ABHD2: variants seen among roughly 807,000 people sequenced by gnomAD.
The protein encoded by ABHD2 is monoacylglycerol lipase ABHD2.
ABHD2 carries 20 observed loss-of-function variants against 48.1 expected under a neutral mutation model. The ratio of observed to expected loss-of-function variants is 0.42; its 90% CI spans 0.29 to 0.60. The LOEUF (loss-of-function observed/expected upper bound fraction) is 0.60, where lower values mean the gene tolerates loss of function less well. Ranked by LOEUF, ABHD2 falls within the 20% of genes least tolerant of loss-of-function variation. The probability of loss-of-function intolerance (pLI) is 0.24; values close to 1 mark genes in which losing one functional copy is unlikely to be tolerated. For missense variants in ABHD2, 405 were observed against 550.9 expected, an observed-to-expected ratio of 0.74 and a Z score of 2.65; for synonymous variants, 209 against 214.2, an observed-to-expected ratio of 0.98 and a Z score of 0.21.
chr15:89,182,300 C>G lies in ABHD2; in HGVS notation c.723-3124C>G, dbSNP rs1308142371. 6.6e-6 allele frequency among the ~76,000 whole-genome samples: 1 copy of G among 152,190 alleles called. No individual in the cohort carries two copies. Among genetic ancestry groups the G allele is most frequent in the African/African-American group, 2.4e-5 (1 of 41,444 alleles). ...AACCTACCCTCCTTCCAGCAAGATT[C>G]ACTCTGAATTTTGCAAAGCCATTCC... On this transcript the variant is annotated intron_variant, in intron 6 of 10. Transcript: ENST00000352732. The surrounding 1 kb of genome is among the most constrained non-coding windows in gnomAD (Gnocchi z 4.8).
intron 5 of ABHD2, among the ~76,000 whole-genome samples, chr15:89,159,432 T>A (rs2050728555): frequency 6.6e-6 from 1 of 152,100 alleles, no homozygotes; most frequent in African/African-American, 2.4e-5. Context: ...GCGGGCCTGG[T>A]GAATGTGCTG....
intron 3 of ABHD2, among the ~76,000 whole-genome samples, chr15:89,149,063 C>T (rs1419104314): frequency 6.6e-6 from 1 of 151,986 alleles, no homozygotes; most frequent in Non-Finnish European, 1.5e-5. Flanking sequence ...TTTTGTAAAC[C>T]CTGGTGTTGT....
the ABHD2 span, among the ~76,000 whole-genome samples, chr15:89,060,350 T>TA: frequency 6.6e-6 from 1 of 151,598 alleles, no homozygotes; most frequent in Non-Finnish European, 1.5e-5. Flanking sequence ...CTCGGCCTCC[T>TA]AAAGTGCTGG....
rs746952878 is a variant in ABHD2 at position 89,100,359 on chromosome 15, C to G, written c.-107+11796C>G. ...GGAGTGCAATAGTGCGATCATAGCTCACTGTAGCCTCAATCTTCTGTGCTC... is the reference window on the plus strand; with the variant it reads ...GGAGTGCAATAGTGCGATCATAGCTGACTGTAGCCTCAATCTTCTGTGCTC... On this transcript the variant is annotated intron_variant, in intron 1 of 10. Coordinates refer to ENST00000352732, the MANE Select transcript of ABHD2 (RefSeq NM_152924.5). The surrounding 1 kb of genome is among the most constrained non-coding windows in gnomAD (Gnocchi z 4.4). Among the ~76,000 whole-genome samples, 18 of 151,346 alleles carry G rather than the reference C, an allele frequency of 1.2e-4. No individual in the cohort carries two copies. Among genetic ancestry groups the G allele is most frequent in the Non-Finnish European group, 2.4e-4 (16 of 67,952 alleles).
intron 1 of ABHD2, among the ~76,000 whole-genome samples, chr15:89,098,218 T>C (rs2049644839): frequency 6.6e-6 from 1 of 152,204 alleles, no homozygotes; most frequent in African/African-American, 2.4e-5. Flanking sequence ...TTTGGCATCC[T>C]ATTACTTTTT....
At chr15:89,113,974 A>G (rs2049915830) in intron 2 of ABHD2, 150 bp downstream of exon 2, 1 of 152,218 alleles carries the variant, frequency 6.6e-6, no homozygotes, top group African/African-American at 2.4e-5. Context: ...TTGCTGCATT[A>G]CCCTGTTCTG....
upstream of ABHD2, among the ~76,000 whole-genome samples, chr15:89,085,212 A>G (rs1325583452): frequency 6.6e-6 from 1 of 152,056 alleles, no homozygotes; most frequent in African/African-American, 2.4e-5. This position sits in a 1 kb window ranked among gnomAD's most constrained non-coding sequence, Gnocchi z 4.2. Context: ...TGACTGGGGC[A>G]TACCCTCTCC....
chr15:89,065,410 T>G, the ABHD2 span, among the ~76,000 whole-genome samples: 1 of 152,186 alleles, frequency 6.6e-6, no homozygotes, highest in African/African-American at 2.4e-5. Context: ...GCATCCCCAG[T>G]CTCACCACTT....
intron 3 of ABHD2, among the ~76,000 whole-genome samples, chr15:89,124,429 TA>T (rs10716952): frequency 0.041 from 6,256 of 152,148 alleles, 423 homozygotes; most frequent in African/African-American, 0.14. Flanking sequence ...CCCTCCTAGG[TA>T]AAAAAAATTC....
At chr15:89,126,200 C>T (rs981696939) in intron 3 of ABHD2, among the ~76,000 whole-genome samples, 1 of 152,160 alleles carries the variant, frequency 6.6e-6, no homozygotes, top group African/African-American at 2.4e-5. Context: ...AAATTCAGTA[C>T]ATGTGGACGG....
chr15:89,104,247 CA>C lies in ABHD2; in HGVS notation c.-106-9477del, dbSNP rs2049747420. On this transcript the variant is annotated intron_variant, in intron 1 of 10. Coordinates refer to ENST00000352732, the MANE Select transcript of ABHD2 (RefSeq NM_152924.5). The surrounding 1 kb of genome is among the most constrained non-coding windows in gnomAD (Gnocchi z 4.4). Reference sequence around the variant, plus strand: ...GTGGCAGAATTCAGCATCAGAGAGCCACACAGCTGAAAGAGATGGATGGGTG... The same window carrying C: ...GTGGCAGAATTCAGCATCAGAGAGCCCACAGCTGAAAGAGATGGATGGGTG... The C allele has an allele frequency of 6.6e-6, 1 of 152,200 alleles. No individual in the cohort carries two copies. The highest frequency in any genetic ancestry group is 2.4e-5 in the African/African-American group (1 of 41,420). 9.4% of individuals were successfully genotyped at this position (152,200 alleles called of 1,614,324 possible). A position where few individuals can be genotyped will look rare whatever the true frequency, so the allele number is the denominator to read the frequency against.
the ABHD2 span, among the ~76,000 whole-genome samples, chr15:89,066,258 G>A: frequency 8.5e-5 from 13 of 152,214 alleles, no homozygotes; most frequent in Non-Finnish European, 1.8e-4. Context: ...CCTTCTGAGG[G>A]GTATGAAGGA....
rs1183803470 is a variant in ABHD2, at chr15:89,199,348, C to A, written c.*3925C>A. On this transcript the variant is annotated 3_prime_UTR_variant, in exon 11 of 11. Coordinates refer to ENST00000352732, the MANE Select transcript of ABHD2 (RefSeq NM_152924.5). The surrounding 1 kb of genome is among the most constrained non-coding windows in gnomAD (Gnocchi z 4.1). ...GTTGAAGTCACTCATAGGTCTTTGTCCTTTAGGCAGGACAGGAGAGTCATT... is the reference window on the plus strand; with the variant it reads ...GTTGAAGTCACTCATAGGTCTTTGTACTTTAGGCAGGACAGGAGAGTCATT... The A allele has an allele frequency of 6.6e-6, 1 of 152,536 alleles. No individual in the cohort carries two copies. Among genetic ancestry groups the A allele is most frequent in the African/African-American group, 2.4e-5 (1 of 41,402 alleles). 9.4% of individuals were successfully genotyped at this position (152,536 alleles called of 1,614,324 possible). A position where few individuals can be genotyped will look rare whatever the true frequency, so the allele number is the denominator to read the frequency against.
At chr15:89,148,356 A>G (rs1024818882) in intron 3 of ABHD2, among the ~76,000 whole-genome samples, 1 of 152,200 alleles carries the variant, frequency 6.6e-6, no homozygotes, top group African/African-American at 2.4e-5. Context: ...CTTTTTTTCA[A>G]CCATAGATTG....
chr15:89,116,312 T>C lies in ABHD2; in HGVS notation c.-6-10T>C, dbSNP rs1223243105. On this transcript the variant is annotated splice_polypyrimidine_tract_variant and intron_variant, in intron 2 of 10. Transcript: ENST00000352732. The surrounding 1 kb of genome is among the most constrained non-coding windows in gnomAD (Gnocchi z 4.6). ...GCTTGTAAACTTAGACCTGTGCCTC[T>C]GCTCCCCAGATCAAGATGAATGCCA... 6.2e-7 allele frequency: 1 copy of C among 1,609,898 alleles called. No homozygotes were observed. Among genetic ancestry groups the C allele is most frequent in the Non-Finnish European group, 8.5e-7 (1 of 1,177,192 alleles).
chr15:89,085,534 C>T (rs1901334577), upstream of ABHD2, among the ~76,000 whole-genome samples: 1 of 152,130 alleles, frequency 6.6e-6, no homozygotes, highest in African/African-American at 2.4e-5. This position sits in a 1 kb window ranked among gnomAD's most constrained non-coding sequence, Gnocchi z 4.2. Context: ...TTTAAGCCTG[C>T]CAGAGCTGCA....
chr15:89,132,128 A>T (rs1292879113), intron 3 of ABHD2, among the ~76,000 whole-genome samples: 1 of 152,222 alleles, frequency 6.6e-6, no homozygotes, highest in African/African-American at 2.4e-5. Flanking sequence ...AAAAACTGGG[A>T]ATAGCAGCAT....
In ABHD2 at chr15:89,185,411, G is replaced by C. The variant is rs374726986; in HGVS notation, c.723-13G>C. 5.9e-5 allele frequency: 95 copies of C among 1,613,422 alleles called. No homozygotes were observed. The highest frequency in any genetic ancestry group is 6.9e-5 in the Non-Finnish European group (81 of 1,179,578). ...CACACCGCAGTCACCCTCACTCGCTGTGGTTCTTCCAGGGCCCAGGAAACC... is the reference window on the plus strand; with the variant it reads ...CACACCGCAGTCACCCTCACTCGCTCTGGTTCTTCCAGGGCCCAGGAAACC... On this transcript the variant is annotated splice_polypyrimidine_tract_variant and intron_variant, in intron 6 of 10. Coordinates refer to ENST00000352732, the MANE Select transcript of ABHD2 (RefSeq NM_152924.5). The surrounding 1 kb of genome is among the most constrained non-coding windows in gnomAD (Gnocchi z 5.9).
chr15:89,128,789 G>T (rs1268868283), intron 3 of ABHD2, among the ~76,000 whole-genome samples: 1 of 152,002 alleles, frequency 6.6e-6, no homozygotes, highest in Non-Finnish European at 1.5e-5. Flanking sequence ...TATGGTCTGT[G>T]GGGGGGAGGA....
Sources: allele counts gnomAD v4.1 joint callset (sites outside exome capture counted in the v4.1 genomes callset), GRCh38; gene constraint gnomAD v4.1.1; non-coding constraint Gnocchi (gnomAD v3.1); transcripts MANE v1.5; gene names NCBI Gene and HGNC (gene_info 2026-07-23, HGNC 2026-07-21).